Variants in SNX3 observed in about 807,000 individuals in gnomAD.
SNX3 encodes the protein sorting nexin-3.
In SNX3, 5 loss-of-function variants were observed where a neutral mutation model predicts 17.7. That is an observed-to-expected ratio of 0.28 (90% CI 0.15 to 0.59). The LOEUF (loss-of-function observed/expected upper bound fraction) is 0.59, where lower values mean the gene tolerates loss of function less well. Among genes scored for constraint, SNX3 ranks in the 20% least tolerant of loss-of-function variants. SNX3 has a pLI of 0.88. For synonymous variants in SNX3, 91 were observed against 76.5 expected, an observed-to-expected ratio of 1.19 and a Z score of -0.99; for missense variants, 132 against 206.8, an observed-to-expected ratio of 0.64 and a Z score of 2.22.
chr6:108,256,926 T>C (rs1013423645), intron 1 of SNX3, among the ~76,000 whole-genome samples: 1 of 152,232 alleles, frequency 6.6e-6, no homozygotes, highest in Non-Finnish European at 1.5e-5. Context: ...AGCCCAGAGA[T>C]ACTAATCAAG....
intron 1 of SNX3, among the ~76,000 whole-genome samples, chr6:108,254,048 ACC>A (rs1428974580): frequency 2.0e-5 from 3 of 151,288 alleles, no homozygotes; most frequent in Non-Finnish European, 4.4e-5. Context: ...AATGGCATGA[ACC>A]CAGGAGGTGG....
intron 2 of SNX3, among the ~76,000 whole-genome samples, chr6:108,215,925 T>A (rs565591327): frequency 1.0e-3 from 153 of 152,158 alleles, no homozygotes; most frequent in African/African-American, 3.6e-3. Flanking sequence ...AGACCCCGTC[T>A]TAAAAAAAAA....
At chr6:108,240,861 T>C (rs1418020647) in intron 1 of SNX3, among the ~76,000 whole-genome samples, 1 of 151,958 alleles carries the variant, frequency 6.6e-6, no homozygotes, top group Non-Finnish European at 1.5e-5. Flanking sequence ...ATCTGTGTGA[T>C]GTCGGGCGCA....
In SNX3 at chr6:108,236,423, G is replaced by A. The variant is rs1250379356; in HGVS notation, c.163-13378C>T. ...TTTTGAGACGGAGTCTCGCTCTGTC[G>A]CCCAGGCTGGAGTGCAGTGGCGGGA... On this transcript the variant is annotated intron_variant, in intron 1 of 3. Coordinates refer to ENST00000230085, the MANE Select transcript of SNX3 (RefSeq NM_003795.6). Among the ~76,000 whole-genome samples the A allele has an allele frequency of 5.8e-5, 8 of 137,606 alleles. No individual in the cohort carries two copies. In the South Asian group the frequency reaches 1.1e-3, roughly 19 times the overall value. The allele number at this position is 137,606 out of a possible 152,430, so 90.3% of individuals were successfully genotyped here.
At chr6:108,216,571 C>T (rs986821847) in intron 2 of SNX3, among the ~76,000 whole-genome samples, 22 of 152,068 alleles carry the variant, frequency 1.4e-4, no homozygotes, top group African/African-American at 5.1e-4. Context: ...ACTTTAAACG[C>T]AAACAGAGAA....
At chr6:108,219,006 T>C (rs1316766134) in intron 2 of SNX3, among the ~76,000 whole-genome samples, 4 of 152,208 alleles carry the variant, frequency 2.6e-5, no homozygotes. Context: ...TTATACACTT[T>C]AAATGGGTGA....
At chr6:108,230,152 C>T (rs961173359) in intron 1 of SNX3, among the ~76,000 whole-genome samples, 3 of 151,646 alleles carry the variant, frequency 2.0e-5, no homozygotes, top group Non-Finnish European at 4.4e-5. Flanking sequence ...AGAAAGAATG[C>T]TGAATTCTGA....
At chr6:108,229,391 T>C (rs1775070549) in intron 1 of SNX3, among the ~76,000 whole-genome samples, 1 of 152,118 alleles carries the variant, frequency 6.6e-6, no homozygotes, top group Non-Finnish European at 1.5e-5. Flanking sequence ...CCTCCTTTTC[T>C]TTCCTTTCCT....
At chr6:108,237,627 T>G (rs1204799802) in intron 1 of SNX3, among the ~76,000 whole-genome samples, 1 of 151,876 alleles carries the variant, frequency 6.6e-6, no homozygotes, top group Non-Finnish European at 1.5e-5. Flanking sequence ...CCACCTCTAC[T>G]AAAAATACAA....
chr6:108,236,485 G>A (rs1308786063), intron 1 of SNX3, among the ~76,000 whole-genome samples: 5 of 148,326 alleles, frequency 3.4e-5, no homozygotes, highest in Admixed American at 1.4e-4. Flanking sequence ...CTGGGTTCAC[G>A]CCATTCTCCT....
intron 1 of SNX3, among the ~76,000 whole-genome samples, chr6:108,253,137 A>G (rs750041125): frequency 6.6e-6 from 1 of 152,236 alleles, no homozygotes; most frequent in Non-Finnish European, 1.5e-5. Flanking sequence ...AAAGGTGAGC[A>G]GGAGAGGAAA....
chr6:108,215,431 T>C (rs918389009), intron 2 of SNX3, among the ~76,000 whole-genome samples: 34 of 152,142 alleles, frequency 2.2e-4, no homozygotes, highest in Non-Finnish European at 3.7e-4. Context: ...TTTGAGGTGA[T>C]GACAAAATAC....
intron 2 of SNX3, among the ~76,000 whole-genome samples, chr6:108,215,131 C>T (rs1322503676): frequency 6.6e-6 from 1 of 151,846 alleles, no homozygotes; most frequent in African/African-American, 2.4e-5. Context: ...GGGCAGATCA[C>T]AGGGTCAGGA....
intron 2 of SNX3, chr6:108,222,100 G>T: frequency 1.5e-6 from 1 of 682,504 alleles, no homozygotes; most frequent in South Asian, 2.0e-5. Flanking sequence ...CATATTTTGT[G>T]CTCATATGCA....
intron 1 of SNX3, among the ~76,000 whole-genome samples, chr6:108,239,053 C>T (rs1368843751): frequency 6.6e-6 from 1 of 151,858 alleles, no homozygotes; most frequent in Non-Finnish European, 1.5e-5. Flanking sequence ...TGCATGTGCC[C>T]CCACACCCAG....
chr6:108,244,070 T>C (rs1007254580), intron 1 of SNX3, among the ~76,000 whole-genome samples: 3 of 152,136 alleles, frequency 2.0e-5, no homozygotes, highest in Non-Finnish European at 2.9e-5. Context: ...TGAGAGTTCT[T>C]GGCAAAAAGA....
intron 1 of SNX3, among the ~76,000 whole-genome samples, chr6:108,232,550 G>A (rs1312702613): frequency 1.5e-4 from 23 of 152,124 alleles, no homozygotes; most frequent in Admixed American, 1.5e-3. Flanking sequence ...GCCTCAAAAT[G>A]TGATCACCTG....
intron 1 of SNX3, among the ~76,000 whole-genome samples, chr6:108,256,644 A>G (rs912652465): frequency 6.6e-6 from 1 of 152,214 alleles, no homozygotes; most frequent in African/African-American, 2.4e-5. Flanking sequence ...GTCAGAGCTC[A>G]AGAAAGATTC....
At chr6:108,244,964 A>G (rs1047492651) in intron 1 of SNX3, among the ~76,000 whole-genome samples, 1 of 152,186 alleles carries the variant, frequency 6.6e-6, no homozygotes, top group South Asian at 2.1e-4. Flanking sequence ...TTTTCTTTTT[A>G]GTTCTGGGAT....
Sources: allele counts gnomAD v4.1 joint callset (sites outside exome capture counted in the v4.1 genomes callset), GRCh38; gene constraint gnomAD v4.1.1; transcripts MANE v1.5; gene names NCBI Gene and HGNC (gene_info 2026-07-23, HGNC 2026-07-21).